Variants in ANGPTL5 observed in about 807,000 individuals in gnomAD.
ANGPTL5 encodes the protein angiopoietin like 5.
In ANGPTL5, 34 loss-of-function variants were observed where a neutral mutation model predicts 39.4. That is an observed-to-expected ratio of 0.86 (90% confidence interval 0.66 to 1.15). The LOEUF is 1.15. Ranked by LOEUF, ANGPTL5 falls within the 50% of genes most tolerant of loss-of-function variation. The pLI, the probability that ANGPTL5 is intolerant of heterozygous loss-of-function variation, is 0.00. For missense variants in ANGPTL5, 467 were observed against 457.5 expected (o/e 1.02, Z -0.19); for synonymous variants, 146 against 152.1 (o/e 0.96, Z 0.29).
chr11:101,899,512 T>C (rs2137055239), intron 7 of ANGPTL5, among the ~76,000 whole-genome samples: 1 of 152,328 alleles, frequency 6.6e-6, no homozygotes, highest in African/African-American at 2.4e-5. Context: ...AGAAATAAAT[T>C]TGAAGTAAGG....
chr11:101,913,444 T>A (rs1940126885), intron 1 of ANGPTL5, among the ~76,000 whole-genome samples: 1 of 152,178 alleles, frequency 6.6e-6, no homozygotes, highest in Non-Finnish European at 1.5e-5. Flanking sequence ...TCAACATCCC[T>A]CCTTCAAAGT....
chr11:101,908,637 G>A (rs1051375640), intron 1 of ANGPTL5, among the ~76,000 whole-genome samples: 22 of 151,916 alleles, frequency 1.4e-4, no homozygotes, highest in Admixed American at 6.6e-4. Flanking sequence ...AAAATTAGCC[G>A]GGCGTTGTAG....
Position 101,894,997 on chromosome 11 carries a change from C to T in ANGPTL5, c.729G>A (p.Leu243=). 6.2e-7 allele frequency: 1 copy of T among 1,610,038 alleles called. No individual in the cohort carries two copies. Among genetic ancestry groups the T allele is most frequent in the Non-Finnish European group, 8.5e-7 (1 of 1,177,432 alleles). Reference sequence around the variant, plus strand: ...CATCTTCAGATTCCAAAGCCACATACAGCATAAAACTGGTATTTTTCTGAT... The same window carrying T: ...CATCTTCAGATTCCAAAGCCACATATAGCATAAAACTGGTATTTTTCTGAT... The part of the protein sequence containing the change: ...IVNQKNTSFM[L]YVALESEDDT... Residue 243 remains leucine (L), a synonymous_variant, in exon 8 of 9, where the codon CTG becomes CTA. Transcript: ENST00000334289.
Position 101,894,899 on chromosome 11 carries a change from C to A in ANGPTL5, c.827G>T (p.Gly276Val). 1 of 1,613,134 alleles carries A rather than the reference C, an allele frequency of 6.2e-7. No homozygotes were observed. The highest frequency in any genetic ancestry group is 8.5e-7 in the Non-Finnish European group (1 of 1,179,366). Residue 276 changes from glycine to valine, a missense_variant, in exon 8 of 9, where the codon GGA (glycine) becomes GTA (valine). Gly to Val is a moderately radical substitution (Grantham distance 109). Coordinates refer to ENST00000334289, the MANE Select transcript of ANGPTL5 (RefSeq NM_178127.5). The part of the protein sequence containing the change: ...DETRFFKMHL[G>V]RYSGNAGDAF... ...CTTACCAGCATTTCCTGAATACCGT[C>A]CTAAGTGCATTTTAAAAAATCTCGT... is the stretch of plus-strand genomic sequence containing the variant.
At chr11:101,894,397 C>T (rs1460506227) in intron 8 of ANGPTL5, among the ~76,000 whole-genome samples, 1 of 152,152 alleles carries the variant, frequency 6.6e-6, no homozygotes, top group African/African-American at 2.4e-5. Flanking sequence ...GCAGATGCAT[C>T]AAAGTATAAT....
In ANGPTL5 at chr11:101,907,982, G is replaced by A. The variant is rs1434845044; in HGVS notation, c.-73C>T. On this transcript the variant is annotated 5_prime_UTR_variant, in exon 2 of 9. Transcript: ENST00000334289. Reference sequence around the variant, plus strand: ...TTTGTGGAAAGAACTACAGAGCATAGAGTCTTCAGTTAAAAACCTCTGGAA... The same window carrying A: ...TTTGTGGAAAGAACTACAGAGCATAAAGTCTTCAGTTAAAAACCTCTGGAA... 1.9e-6 allele frequency: 2 copies of A among 1,072,646 alleles called. No homozygotes were observed. The highest frequency in any genetic ancestry group is 3.1e-5 in the African/African-American group (2 of 64,010). 66.4% of individuals were successfully genotyped at this position (1,072,646 alleles called of 1,614,324 possible). A position where few individuals can be genotyped will look rare whatever the true frequency, so the allele number is the denominator to read the frequency against.
chr11:101,907,775 A>G (rs1225154207), intron 2 of ANGPTL5, 39 bp downstream of exon 2: 3 of 1,334,042 alleles, frequency 2.2e-6, no homozygotes, highest in Non-Finnish European at 3.2e-6. Context: ...AAAGCTAATC[A>G]TGCTTTCCTA....
chr11:101,900,310 G>A lies in ANGPTL5; in HGVS notation c.661+120C>T, dbSNP rs1591254412. ...GGCATATGAAAAGAGGGTGATTTAA[G>A]TTATATTTTGATATTTGCAAGCATT... On this transcript the variant is annotated intron_variant, in intron 7 of 8. Transcript: ENST00000334289. The A allele has an allele frequency of 1.0e-5, 10 of 1,004,724 alleles. 1 individual carries two copies. The South Asian group carries it at 1.2e-4, about 12-fold the overall frequency. The allele number at this position is 1,004,724 out of a possible 1,614,324, so 62.2% of individuals were successfully genotyped here.
At position 101,907,682 on chromosome 11, in the gene ANGPTL5, T is replaced by C. The variant is rs1447365390; in HGVS notation, c.96+132A>G. The C allele has an allele frequency of 5.9e-6, 4 of 676,252 alleles. No homozygotes were observed. In the Middle Eastern group the frequency reaches 1.3e-3, roughly 214 times the overall value. The allele number at this position is 676,252 out of a possible 1,614,324, so 41.9% of individuals were successfully genotyped here. A position where few individuals can be genotyped will look rare whatever the true frequency, so the allele number is the denominator to read the frequency against. ...AGTAATATTAAAGCAATTTTCAACA[T>C]TTCTAAATACATGTTTTAATTGTTC... is the stretch of plus-strand genomic sequence containing the variant. On this transcript the variant is annotated intron_variant, in intron 2 of 8. Coordinates refer to ENST00000334289, the MANE Select transcript of ANGPTL5 (RefSeq NM_178127.5).
chr11:101,900,539 G>T lies in ANGPTL5; in HGVS notation c.552C>A (p.Asp184Glu). 6.2e-7 allele frequency: 1 copy of T among 1,610,478 alleles called. No homozygotes were observed. Among genetic ancestry groups the T allele is most frequent in the South Asian group, 1.1e-5 (1 of 90,986 alleles). Residue 184 changes from aspartate (D) to glutamate (E), a missense_variant, in exon 7 of 9, where the codon GAC becomes GAA. Transcript: ENST00000334289. ...GSSYPFEVMCDMDYRGGGRTV... is the reference protein window; with the variant it reads ...GSSYPFEVMCEMDYRGGGRTV... ...TCCGTCCACCTCCTCTGTAATCCATGTCACACATTACCTAAAATAAGCACA... is the reference window on the plus strand; with the variant it reads ...TCCGTCCACCTCCTCTGTAATCCATTTCACACATTACCTAAAATAAGCACA...
chr11:101,914,834 A>G (rs1940161396), intron 1 of ANGPTL5, among the ~76,000 whole-genome samples: 2 of 152,344 alleles, frequency 1.3e-5, no homozygotes, highest in African/African-American at 4.8e-5. Flanking sequence ...GAACTGCATC[A>G]GGCTCTAAAA....
In ANGPTL5 at chr11:101,907,895, G is replaced by T. The variant is rs374846209; in HGVS notation, c.15C>A (p.Ser5=). The T allele has an allele frequency of 3.1e-6, 5 of 1,606,412 alleles. No individual in the cohort carries two copies. In the African/African-American group the frequency reaches 6.7e-5, roughly 22 times the overall value. MMSP[S]QASLLFLNVC... ...CATTTAAGAATAAGAGTGAGGCTTG[G>T]GATGGAGACATCATATTTTTCTTGG... The change falls in exon 2 of 9, where the codon TCC becomes TCA. Residue 5 remains serine (S), a synonymous_variant. Coordinates refer to ENST00000334289, the MANE Select transcript of ANGPTL5 (RefSeq NM_178127.5).
chr11:101,902,664 C>G lies in ANGPTL5; in HGVS notation c.497G>C (p.Gly166Ala). The G allele has an allele frequency of 6.2e-7, 1 of 1,611,986 alleles. No homozygotes were observed. The highest frequency in any genetic ancestry group is 8.5e-7 in the Non-Finnish European group (1 of 1,178,600). The change falls in exon 6 of 9, where the codon GGT (glycine) becomes GCT (alanine). Residue 166 changes from glycine (G) to alanine (A), a missense_variant. By Grantham distance (60) the Gly-to-Ala change is moderately conservative. Transcript: ENST00000334289. ...TCCTTCTGGGTGAATTATGTATAAA[C>G]CACTCGGTGTTTTGGTGACAGAGCC... is the stretch of plus-strand genomic sequence containing the variant. Reference protein sequence around the residue: ...TIGSVTKTPSGLYIIHPEGSS... With the variant: ...TIGSVTKTPSALYIIHPEGSS...
At chr11:101,904,985 C>G (rs1271498263) in intron 4 of ANGPTL5, 78 bp from the exon 5 acceptor site, 3 of 1,074,106 alleles carry the variant, frequency 2.8e-6, no homozygotes, top group Non-Finnish European at 4.3e-6. Context: ...AAACCCAGCT[C>G]TGAAATACGT....
At chr11:101,898,704 G>A (rs143819097) in intron 7 of ANGPTL5, among the ~76,000 whole-genome samples, 2,164 of 152,264 alleles carry the variant, frequency 0.014, 31 homozygotes, top group African/African-American at 0.03. Context: ...GGTGAGAGAG[G>A]GCATCCTTGT....
At position 101,900,325 on chromosome 11, in the gene ANGPTL5, T is replaced by G. The variant is rs1217348616; in HGVS notation, c.661+105A>C. ...GGTGATTTAAGTTATATTTTGATAT[T>G]TGCAAGCATTTGCTATTTTTACTAC... On this transcript the variant is annotated intron_variant, in intron 7 of 8. Transcript: ENST00000334289. 3.5e-6 allele frequency: 4 copies of G among 1,150,828 alleles called. No homozygotes were observed. In the East Asian group the frequency reaches 9.7e-5, roughly 28 times the overall value. The allele number at this position is 1,150,828 out of a possible 1,614,324, so 71.3% of individuals were successfully genotyped here.
chr11:101,915,010 G>A (rs1381696235), intron 1 of ANGPTL5: 11 of 389,428 alleles, frequency 2.8e-5, no homozygotes, highest in Non-Finnish European at 5.1e-5. Flanking sequence ...TGTCAAGGAC[G>A]CGCCGTCGGT....
rs1939763855 is a variant in ANGPTL5 at position 101,894,900 on chromosome 11, C to T, written c.826G>A (p.Gly276Arg). The stretch of plus-strand genomic sequence containing the variant: ...TTACCAGCATTTCCTGAATACCGTC[C>T]TAAGTGCATTTTAAAAAATCTCGTT... ...DETRFFKMHL[G>R]RYSGNAGDAF... Residue 276 changes from glycine (G) to arginine (R), a missense_variant, in exon 8 of 9, where the codon GGA becomes AGA. Gly to Arg is a moderately radical substitution (Grantham distance 125). Coordinates refer to ENST00000334289, the MANE Select transcript of ANGPTL5 (RefSeq NM_178127.5). The T allele has an allele frequency of 6.2e-7, 1 of 1,613,158 alleles. No individual in the cohort carries two copies. The highest frequency in any genetic ancestry group is 1.7e-5 in the Admixed American group (1 of 59,992).
intron 7 of ANGPTL5, among the ~76,000 whole-genome samples, chr11:101,896,736 T>C (rs1389128747): frequency 6.6e-6 from 1 of 152,254 alleles, no homozygotes; most frequent in Non-Finnish European, 1.5e-5. Flanking sequence ...GTGCCACATT[T>C]TCCTTATCCA....
Sources: allele counts gnomAD v4.1 joint callset (sites outside exome capture counted in the v4.1 genomes callset), GRCh38; gene constraint gnomAD v4.1.1; transcripts MANE v1.5; gene names NCBI Gene and HGNC (gene_info 2026-07-23, HGNC 2026-07-21).